EGFLAM: variants seen among roughly 807,000 people sequenced by gnomAD.
The protein encoded by EGFLAM is EGF like, fibronectin type III and laminin G domains, also known as pikachurin.
A neutral mutation model predicts 113.1 loss-of-function variants in EGFLAM; 79 were observed. That is an observed-to-expected ratio of 0.70 (90% CI 0.58 to 0.84). The LOEUF (loss-of-function observed/expected upper bound fraction) is 0.84, where lower values mean the gene tolerates loss of function less well. Among genes scored for constraint, EGFLAM ranks in the 40% least tolerant of loss-of-function variants. EGFLAM has a pLI of 0.00. For missense variants in EGFLAM, 1,265 were observed against 1,291.6 expected, an observed-to-expected ratio of 0.98 and a Z score of 0.32; for synonymous variants, 504 against 487.6, an observed-to-expected ratio of 1.03 and a Z score of -0.44.
intron 1 of EGFLAM, among the ~76,000 whole-genome samples, chr5:38,304,140 AAG>A (rs1486920861): frequency 6.6e-6 from 1 of 151,782 alleles, no homozygotes; most frequent in African/African-American, 2.4e-5. Flanking sequence ...AAAAAAAAAA[AAG>A]AAAGAAAGAA....
intron 1 of EGFLAM, among the ~76,000 whole-genome samples, chr5:38,329,375 A>G (rs1373302884): frequency 6.6e-6 from 1 of 152,178 alleles, no homozygotes; most frequent in Non-Finnish European, 1.5e-5. Flanking sequence ...ATTATTTTCT[A>G]TAATTTGAGA....
rs1739648498 is a variant in EGFLAM, at chr5:38,352,299, C to A, written c.513C>A (p.Ala171=). Residue 171 remains alanine (A), a synonymous_variant, in exon 5 of 22, where the codon GCC becomes GCA. Transcript: ENST00000322350. ...SWKPGASEGS[A]PIQYYSVEFI... is the part of the protein sequence containing the mutation. ...AACCTGGAGCGAGTGAAGGAAGCGC[C>A]CCTATTCAGTACTATTCTGTGGAAT... is the stretch of plus-strand genomic sequence containing the variant. 6.2e-7 allele frequency: 1 copy of A among 1,614,058 alleles called. No individual in the cohort carries two copies. Among genetic ancestry groups the A allele is most frequent in the Non-Finnish European group, 8.5e-7 (1 of 1,179,998 alleles).
chr5:38,448,248 A>G, intron 17 of EGFLAM, 53 bp from the exon 18 acceptor site: 1 of 1,586,334 alleles, frequency 6.3e-7, no homozygotes, highest in Non-Finnish European at 8.7e-7. Context: ...GTGTGAGTGC[A>G]GGGGTCAAGA....
chr5:38,311,999 T>C (rs1738456128), intron 1 of EGFLAM, among the ~76,000 whole-genome samples: 1 of 152,210 alleles, frequency 6.6e-6, no homozygotes, highest in Admixed American at 6.5e-5. Flanking sequence ...TATGAGTCCA[T>C]TCTTGCTAGC....
intron 16 of EGFLAM, among the ~76,000 whole-genome samples, chr5:38,437,620 G>T (rs541000589): frequency 6.6e-6 from 1 of 152,166 alleles, no homozygotes; most frequent in Non-Finnish European, 1.5e-5. Context: ...GGGTCTGGGC[G>T]GGTCTGGGCA....
intron 14 of EGFLAM, among the ~76,000 whole-genome samples, chr5:38,428,580 C>T (rs999642456): frequency 3.9e-5 from 6 of 152,188 alleles, no homozygotes; most frequent in African/African-American, 1.4e-4. Flanking sequence ...TTGAATATCA[C>T]CTTGCACTTT....
chr5:38,320,452 C>T (rs186024097), intron 1 of EGFLAM, among the ~76,000 whole-genome samples: 15 of 152,320 alleles, frequency 9.8e-5, no homozygotes, highest in Admixed American at 9.2e-4. Flanking sequence ...AGCATTAAAG[C>T]TTCTACACCA....
intron 14 of EGFLAM, chr5:38,430,125 C>T: frequency 4.5e-6 from 1 of 223,444 alleles, no homozygotes; most frequent in Non-Finnish European, 9.4e-6. Context: ...CTGGCCAGGA[C>T]CACCACCAGT....
intron 18 of EGFLAM, among the ~76,000 whole-genome samples, chr5:38,448,789 C>T (rs1230984361): frequency 2.0e-5 from 3 of 152,214 alleles, no homozygotes; most frequent in Non-Finnish European, 2.9e-5. Context: ...GAGTGTGCAG[C>T]TCTGACCTGG....
intron 2 of EGFLAM, among the ~76,000 whole-genome samples, chr5:38,337,856 C>G (rs544148347): frequency 6.6e-6 from 1 of 152,154 alleles, no homozygotes; most frequent in South Asian, 2.1e-4. Flanking sequence ...TTCCTCTGTT[C>G]AGCTGTGGGA....
rs374673812 is a variant in EGFLAM, at chr5:38,260,228, T to C, written c.97+1377T>C. ...TTCTTTCTAACTTTCCTCCTTAAGA[T>C]AACCACATCACGATCAATTGCATTT... is the stretch of plus-strand genomic sequence containing the variant. On this transcript the variant is annotated intron_variant, in intron 1 of 21. Coordinates refer to ENST00000322350, the MANE Select transcript of EGFLAM (RefSeq NM_152403.4). Among the ~76,000 whole-genome samples, 10 of 152,362 alleles carry C rather than the reference T, an allele frequency of 6.6e-5. No homozygotes were observed. In the East Asian group the frequency reaches 1.9e-3, roughly 29 times the overall value.
At chr5:38,349,987 A>G (rs957545481) in intron 3 of EGFLAM, among the ~76,000 whole-genome samples, 1 of 141,990 alleles carries the variant, frequency 7.0e-6, no homozygotes, top group East Asian at 2.1e-4. Context: ...ACACACACAC[A>G]GACAGACACA....
intron 12 of EGFLAM, among the ~76,000 whole-genome samples, chr5:38,424,360 T>C (rs1741930551): frequency 6.6e-6 from 1 of 152,146 alleles, no homozygotes; most frequent in African/African-American, 2.4e-5. Context: ...GGGTGTAACT[T>C]TGGAAGTAGA....
intron 20 of EGFLAM, among the ~76,000 whole-genome samples, chr5:38,461,842 ACT>A (rs1436211979): frequency 6.6e-6 from 1 of 152,062 alleles, no homozygotes; most frequent in African/African-American, 2.4e-5. Flanking sequence ...CGTCAGAGTC[ACT>A]TTAGGGCTCT....
chr5:38,347,479 A>G (rs1739502304), intron 3 of EGFLAM, among the ~76,000 whole-genome samples: 1 of 152,090 alleles, frequency 6.6e-6, no homozygotes, highest in Non-Finnish European at 1.5e-5. Context: ...GAGGAGGGGC[A>G]CCTAACCAGA....
chr5:38,422,741 T>C (rs1165216266), intron 12 of EGFLAM, among the ~76,000 whole-genome samples: 4 of 152,144 alleles, frequency 2.6e-5, no homozygotes, highest in Non-Finnish European at 2.9e-5. Context: ...AAATGGAAGG[T>C]GACAACAGCT....
rs566228413 is a variant in EGFLAM at position 38,430,536 on chromosome 5, T to A, written c.2055-641T>A. ...TGGATTGGTGTGCCTAAGGTTAGCA[T>A]TAGTTTCCTCATGGCTAGATTGACA... On this transcript the variant is annotated intron_variant, in intron 14 of 21. Transcript: ENST00000322350. Among the ~76,000 whole-genome samples the A allele has an allele frequency of 2.6e-5, 4 of 152,334 alleles. No homozygotes were observed. The South Asian group carries it at 8.3e-4, about 32-fold the overall frequency.
chr5:38,273,289 T>C (rs563723637), intron 1 of EGFLAM, among the ~76,000 whole-genome samples: 38 of 152,314 alleles, frequency 2.5e-4, no homozygotes, highest in African/African-American at 8.4e-4. Context: ...CACAGCCCGA[T>C]GACAGGCTGA....
intron 11 of EGFLAM, among the ~76,000 whole-genome samples, chr5:38,416,329 A>C (rs1229957769): frequency 1.3e-5 from 2 of 152,246 alleles, no homozygotes; most frequent in African/African-American, 4.8e-5. Context: ...ACAGGGAAGA[A>C]GAGGATATCA....
Sources: allele counts gnomAD v4.1 joint callset (sites outside exome capture counted in the v4.1 genomes callset), GRCh38; gene constraint gnomAD v4.1.1; transcripts MANE v1.5; gene names NCBI Gene and HGNC (gene_info 2026-07-23, HGNC 2026-07-21).